TCERG1L: variants seen among roughly 807,000 people sequenced by gnomAD.
TCERG1L encodes transcription elongation regulator 1 like.
In TCERG1L, 37 loss-of-function variants were observed where a neutral mutation model predicts 56.3. The ratio of observed to expected loss-of-function variants is 0.66; its 90% CI spans 0.51 to 0.87. The LOEUF (loss-of-function observed/expected upper bound fraction) is 0.87, where lower values mean the gene tolerates loss of function less well. Ranked by LOEUF, TCERG1L falls within the 40% of genes least tolerant of loss-of-function variation. The probability of loss-of-function intolerance (pLI) is 0.00; values close to 1 mark genes in which losing one functional copy is unlikely to be tolerated. For missense variants in TCERG1L, 799 were observed against 774.2 expected (o/e 1.03, Z -0.38); for synonymous variants, 324 against 326.3 (o/e 0.99, Z 0.08).
intron 1 of TCERG1L, 129 bp from the exon 2 acceptor site, chr10:131,309,428 A>G: frequency 7.9e-7 from 1 of 1,265,912 alleles, no homozygotes; most frequent in Non-Finnish European, 1.1e-6. Flanking sequence ...TATCAGATAA[A>G]TTTCCTCGAG....
At chr10:131,195,836 G>A (rs1000563889) in intron 4 of TCERG1L, among the ~76,000 whole-genome samples, 4 of 152,224 alleles carry the variant, frequency 2.6e-5, no homozygotes, top group South Asian at 2.1e-4. Context: ...GACCACGCTC[G>A]GCCTGCGGGG....
intron 4 of TCERG1L, among the ~76,000 whole-genome samples, chr10:131,215,658 G>C (rs1845662860): frequency 6.6e-6 from 1 of 152,132 alleles, no homozygotes; most frequent in African/African-American, 2.4e-5. Context: ...TTTGACTACA[G>C]CCAGAGAGAG....
In TCERG1L at chr10:131,168,786, A is replaced by G. The variant is rs940988333; in HGVS notation, c.857-1901T>C. On this transcript the variant is annotated intron_variant, in intron 4 of 11. Coordinates refer to ENST00000368642, the MANE Select transcript of TCERG1L (RefSeq NM_174937.4). The stretch of plus-strand genomic sequence containing the variant: ...CCTGAGGGCGCCGGCCTCCTCCGTC[A>G]TTGCCACTTTACGAGGGTGTCCACA... Among the ~76,000 whole-genome samples the G allele has an allele frequency of 2.6e-5, 4 of 152,056 alleles. No homozygotes were observed. In the South Asian group the frequency reaches 6.2e-4, roughly 24 times the overall value.
intron 4 of TCERG1L, among the ~76,000 whole-genome samples, chr10:131,195,268 G>A (rs1455588515): frequency 6.6e-6 from 1 of 152,180 alleles, no homozygotes; most frequent in East Asian, 1.9e-4. Flanking sequence ...GCCCATACCT[G>A]GCCGGTGGGT....
Position 131,248,094 on chromosome 10 carries a change from CAT to C in TCERG1L, c.856+12163_856+12164del, listed in dbSNP as rs1846059767. On this transcript the variant is annotated intron_variant, in intron 4 of 11. Transcript: ENST00000368642. ...CACATGACTCATATGCACACACACA[CAT>C]GCACACACATGATACACACACTGGT... Among the ~76,000 whole-genome samples, 16 of 152,010 alleles carry C rather than the reference CAT, an allele frequency of 1.1e-4. No individual in the cohort carries two copies. The South Asian group carries it at 3.3e-3, about 32-fold the overall frequency.
chr10:131,271,550 G>C (rs976948412), intron 3 of TCERG1L, among the ~76,000 whole-genome samples: 1 of 152,240 alleles, frequency 6.6e-6, no homozygotes, highest in African/African-American at 2.4e-5. Flanking sequence ...GCGTGCTGGC[G>C]TCATGGGCTC....
intron 4 of TCERG1L, among the ~76,000 whole-genome samples, chr10:131,226,748 G>A (rs1190682922): frequency 1.3e-5 from 2 of 152,230 alleles, no homozygotes; most frequent in Non-Finnish European, 2.9e-5. Flanking sequence ...AAGTGTAAAC[G>A]CCCAACCAAC....
At chr10:131,220,735 C>T (rs1046370199) in intron 4 of TCERG1L, among the ~76,000 whole-genome samples, 1 of 152,128 alleles carries the variant, frequency 6.6e-6, no homozygotes, top group Non-Finnish European at 1.5e-5. Flanking sequence ...TCACTGAATC[C>T]CCCCAGCTCC....
chr10:131,206,259 G>A (rs138069772), intron 4 of TCERG1L, among the ~76,000 whole-genome samples: 22 of 152,324 alleles, frequency 1.4e-4, no homozygotes, highest in Admixed American at 2.0e-4. Context: ...CTGGTCCTGC[G>A]GACCGGCTGG....
At chr10:131,240,705 C>T (rs1433728473) in intron 4 of TCERG1L, among the ~76,000 whole-genome samples, 1 of 152,188 alleles carries the variant, frequency 6.6e-6, no homozygotes, top group Non-Finnish European at 1.5e-5. Flanking sequence ...GGGAAGGTGA[C>T]TGAGTCGGCG....
chr10:131,238,287 C>T (rs1470491835), intron 4 of TCERG1L, among the ~76,000 whole-genome samples: 2 of 152,178 alleles, frequency 1.3e-5, no homozygotes, highest in Admixed American at 6.5e-5. Flanking sequence ...ATGGTCGTTC[C>T]CCTGGGGATA....
At chr10:131,200,956 C>T (rs2133473801) in intron 4 of TCERG1L, among the ~76,000 whole-genome samples, 1 of 152,294 alleles carries the variant, frequency 6.6e-6, no homozygotes, top group African/African-American at 2.4e-5. Context: ...TGCCTTTCCC[C>T]CTCCTGCCAG....
chr10:131,252,652 A>T (rs1301686577), intron 4 of TCERG1L, among the ~76,000 whole-genome samples: 1 of 152,122 alleles, frequency 6.6e-6, no homozygotes, highest in Non-Finnish European at 1.5e-5. Context: ...CGCCTCCTCT[A>T]CCGAGTCCTG....
intron 3 of TCERG1L, among the ~76,000 whole-genome samples, chr10:131,272,509 G>C (rs1024330089): frequency 2.0e-4 from 31 of 152,218 alleles, no homozygotes; most frequent in African/African-American, 7.2e-4. Context: ...TTAGGTGTTT[G>C]AGTATCTGGC....
chr10:131,168,380 T>C (rs1836810420), intron 4 of TCERG1L, among the ~76,000 whole-genome samples: 1 of 152,150 alleles, frequency 6.6e-6, no homozygotes, highest in African/African-American at 2.4e-5. Flanking sequence ...AGCTGTCATG[T>C]CCTCCGTGGG....
chr10:131,190,348 A>G (rs1367019628), intron 4 of TCERG1L, among the ~76,000 whole-genome samples: 2 of 152,190 alleles, frequency 1.3e-5, no homozygotes, highest in African/African-American at 2.4e-5. Context: ...CCAGACATTC[A>G]AAGAATTGGT....
intron 4 of TCERG1L, among the ~76,000 whole-genome samples, chr10:131,206,263 C>T (rs552682439): frequency 1.3e-5 from 2 of 152,188 alleles, no homozygotes; most frequent in South Asian, 2.1e-4. Context: ...TCCTGCGGAC[C>T]GGCTGGCAGC....
intron 8 of TCERG1L, among the ~76,000 whole-genome samples, chr10:131,124,187 C>T (rs1333088144): frequency 6.6e-6 from 1 of 152,208 alleles, no homozygotes; most frequent in Non-Finnish European, 1.5e-5. Flanking sequence ...TCTCTGGCCT[C>T]TGACAGGTCT....
intron 4 of TCERG1L, among the ~76,000 whole-genome samples, chr10:131,179,334 G>GAAACA (rs1443347381): frequency 6.6e-6 from 1 of 152,220 alleles, no homozygotes; most frequent in African/African-American, 2.4e-5. Flanking sequence ...TATACATATA[G>GAAACA]AAACACCAAA....
Sources: gnomAD v4.1 joint callset for allele counts (sites outside exome capture counted in the v4.1 genomes callset) on GRCh38, gnomAD v4.1.1 for gene constraint, MANE v1.5 for transcripts, NCBI Gene and HGNC (gene_info 2026-07-23, HGNC 2026-07-21) for gene names.